The following TXNRD2 variants were observed in gnomAD, a reference collection of about 807,000 sequenced individuals.
TXNRD2 encodes thioredoxin reductase 2.
A neutral mutation model predicts 70.8 loss-of-function variants in TXNRD2; 67 were observed. The observed-to-expected ratio is 0.95, with a 90% CI of 0.78 to 1.16. The LOEUF (loss-of-function observed/expected upper bound fraction) is 1.16. Among genes scored for constraint, TXNRD2 ranks in the 50% most tolerant of loss-of-function variants. The pLI is 0.00. For missense variants in TXNRD2, 644 were observed against 719.9 expected (o/e 0.89, Z 1.21); for synonymous variants, 301 against 295.8 (o/e 1.02, Z -0.18).
chr22:19,933,591 C>A lies in TXNRD2; in HGVS notation c.104-2493G>T, dbSNP rs79987203. The A allele has an allele frequency of 2.8e-6, 3 of 1,056,914 alleles. No homozygotes were observed. In the South Asian group the frequency reaches 4.2e-5, roughly 15 times the overall value. The allele number at this position is 1,056,914 out of a possible 1,614,324, so 65.5% of individuals were successfully genotyped here. ...TTATCTTGGGCAGCTTGCTCGCCCCCTGTGCACACCCAGGAGCCCTCTCGG... is the reference window on the plus strand; with the variant it reads ...TTATCTTGGGCAGCTTGCTCGCCCCATGTGCACACCCAGGAGCCCTCTCGG... On this transcript the variant is annotated intron_variant, in intron 1 of 17. Transcript: ENST00000400521.
chr22:19,888,083 C>T (rs1353206807), intron 11 of TXNRD2: 1 of 152,270 alleles, frequency 6.6e-6, no homozygotes, highest in African/African-American at 2.4e-5. Flanking sequence ...GTGGCTGGCC[C>T]ACAACACTGA....
At chr22:19,915,032 G>T in intron 7 of TXNRD2, 182 bp downstream of exon 7, 1 of 647,138 alleles carries the variant, frequency 1.5e-6, no homozygotes, top group Non-Finnish European at 2.8e-6. Flanking sequence ...AGGCCACTGG[G>T]GACCCCACAT....
chr22:19,913,570 CAGTT>C (rs1020834514), intron 7 of TXNRD2, among the ~76,000 whole-genome samples: 7 of 152,200 alleles, frequency 4.6e-5, no homozygotes, highest in South Asian at 2.1e-4. Flanking sequence ...GGATAGGTAA[CAGTT>C]AGAGCCAACA....
In TXNRD2 at chr22:19,912,218, G is replaced by T. The variant is rs1296875575; in HGVS notation, c.592-771C>A. ...ACAAGATGTGCTGGTGGAGGAAGCG[G>T]ATCTCAAACAGTTTATGCTTCCAAC... On this transcript the variant is annotated intron_variant, in intron 7 of 17. Transcript: ENST00000400521. 2.0e-5 allele frequency among the ~76,000 whole-genome samples: 3 copies of T among 152,206 alleles called. No homozygotes were observed. In the South Asian group the frequency reaches 6.2e-4, roughly 31 times the overall value.
At chr22:19,933,302 T>C in intron 1 of TXNRD2, 1 of 478,596 alleles carries the variant, frequency 2.1e-6, no homozygotes, top group Non-Finnish European at 3.9e-6. Context: ...AATATAAGTC[T>C]AGAGAACCAA....
At chr22:19,925,047 G>T (rs1344845126) in intron 2 of TXNRD2, among the ~76,000 whole-genome samples, 2 of 151,480 alleles carry the variant, frequency 1.3e-5, no homozygotes, top group Admixed American at 1.3e-4. Context: ...CACTTTGGGA[G>T]GCCAAGGGGG....
At chr22:19,906,920 G>A (rs1940049351) in intron 8 of TXNRD2, among the ~76,000 whole-genome samples, 1 of 113,406 alleles carries the variant, frequency 8.8e-6, no homozygotes, top group African/African-American at 3.4e-5. Context: ...AGCAGTGACG[G>A]CTCTCAGGAG....
At chr22:19,907,571 C>T (rs1262604019) in intron 8 of TXNRD2, among the ~76,000 whole-genome samples, 1 of 40,642 alleles carries the variant, frequency 2.5e-5, no homozygotes, top group South Asian at 1.0e-3. Context: ...AGAGTGTGGG[C>T]GCCGTGGGTA....
At chr22:19,921,177 G>T (rs1940900259) in intron 2 of TXNRD2, among the ~76,000 whole-genome samples, 1 of 151,776 alleles carries the variant, frequency 6.6e-6, no homozygotes, top group African/African-American at 2.4e-5. Flanking sequence ...CACTTTGGGA[G>T]GCCGCAGCAG....
intron 2 of TXNRD2, among the ~76,000 whole-genome samples, chr22:19,927,322 A>G (rs1296464584): frequency 9.9e-5 from 15 of 151,990 alleles, no homozygotes; most frequent in Non-Finnish European, 7.4e-5. Flanking sequence ...ATCTCTCCAT[A>G]TCAGCAAGTT....
chr22:19,919,472 T>A (rs1940800202), intron 3 of TXNRD2, 71 bp downstream of exon 3: 1 of 1,436,602 alleles, frequency 7.0e-7, no homozygotes, highest in Admixed American at 2.0e-5. Flanking sequence ...TCAGCTGCCC[T>A]CTGTACAGGA....
At chr22:19,919,118 C>G in intron 3 of TXNRD2, 114 bp from the exon 4 acceptor site, 1 of 1,013,172 alleles carries the variant, frequency 9.9e-7, no homozygotes, top group Non-Finnish European at 1.5e-6. Flanking sequence ...CTAACACAGA[C>G]CAGCTGACAT....
In TXNRD2 at chr22:19,911,359, A is replaced by C; in HGVS notation, c.662+18T>G. 6.2e-7 allele frequency: 1 copy of C among 1,607,498 alleles called. No homozygotes were observed. The highest frequency in any genetic ancestry group is 8.5e-7 in the Non-Finnish European group (1 of 1,174,158). On this transcript the variant is annotated intron_variant, in intron 8 of 17. Transcript: ENST00000400521. ...GGTGAACAAAAAGAGGACCCCACCA[A>C]GCACGCGCAGGCCTTACGTTTTTCC... is the stretch of plus-strand genomic sequence containing the variant.
At chr22:19,901,991 G>A (rs1373740802) in intron 8 of TXNRD2, among the ~76,000 whole-genome samples, 1 of 152,180 alleles carries the variant, frequency 6.6e-6, no homozygotes, top group Non-Finnish European at 1.5e-5. Context: ...TTGAGCCCGG[G>A]AGTTCAAGAC....
intron 8 of TXNRD2, among the ~76,000 whole-genome samples, chr22:19,900,373 C>T (rs1249366137): frequency 1.3e-5 from 2 of 152,258 alleles, no homozygotes; most frequent in Non-Finnish European, 2.9e-5. Context: ...CACATCTCTA[C>T]ACGGAAGTGC....
intron 2 of TXNRD2, among the ~76,000 whole-genome samples, chr22:19,923,058 C>T (rs1292646990): frequency 6.6e-6 from 1 of 152,152 alleles, no homozygotes; most frequent in African/African-American, 2.4e-5. Flanking sequence ...ACATCCTCAC[C>T]AAGTGTTCAC....
intron 12 of TXNRD2, among the ~76,000 whole-genome samples, chr22:19,881,910 G>C (rs1009744779): frequency 6.6e-6 from 1 of 152,246 alleles, no homozygotes; most frequent in African/African-American, 2.4e-5. Flanking sequence ...TCGGCTAGAT[G>C]GGCCCTACAG....
At chr22:19,898,951 C>T (rs576484796) in intron 9 of TXNRD2, 98 bp downstream of exon 9, 11 of 1,499,256 alleles carry the variant, frequency 7.3e-6, no homozygotes, top group Non-Finnish European at 1.0e-5. Context: ...CGATCTGAGG[C>T]AGCAAAGAGC....
chr22:19,898,758 T>G (rs1809996445), intron 9 of TXNRD2, among the ~76,000 whole-genome samples: 1 of 151,912 alleles, frequency 6.6e-6, no homozygotes, highest in South Asian at 2.1e-4. Flanking sequence ...CCTGTCTAAT[T>G]GTCCCTTCTG....
Sources: allele counts gnomAD v4.1 joint callset (sites outside exome capture counted in the v4.1 genomes callset), GRCh38; gene constraint gnomAD v4.1.1; transcripts MANE v1.5; gene names NCBI Gene and HGNC (gene_info 2026-07-23, HGNC 2026-07-21).